Variants in MTDH observed in about 807,000 individuals in gnomAD.
The protein encoded by MTDH is protein LYRIC.
A neutral mutation model predicts 72.7 loss-of-function variants in MTDH; 34 were observed. The observed-to-expected ratio is 0.47, with a 90% CI of 0.36 to 0.62. MTDH has a LOEUF of 0.62. Among genes scored for constraint, MTDH ranks in the 20% least tolerant of loss-of-function variants. The pLI, the probability that MTDH is intolerant of heterozygous loss-of-function variation, is 0.00. For synonymous variants in MTDH, 266 were observed against 268.9 expected (o/e 0.99, Z 0.10); for missense variants, 677 against 699.4 (o/e 0.97, Z 0.36).
intron 9 of MTDH, among the ~76,000 whole-genome samples, 189 bp downstream of exon 9, chr8:97,713,958 G>A (rs759250719): frequency 5.9e-5 from 9 of 152,106 alleles, no homozygotes; most frequent in South Asian, 2.1e-4. Context: ...CAAAAAATTC[G>A]TGTTAAAGGT....
chr8:97,718,377 C>T (rs1302444973), intron 9 of MTDH, among the ~76,000 whole-genome samples: 1 of 152,286 alleles, frequency 6.6e-6, no homozygotes, highest in East Asian at 1.9e-4. Context: ...GTGGCATGGC[C>T]AAAATTGGAA....
chr8:97,722,846 CA>C (rs759722318), intron 10 of MTDH, 32 bp from the exon 11 acceptor site: 3 of 1,570,850 alleles, frequency 1.9e-6, no homozygotes, highest in Admixed American at 1.9e-5. Context: ...AAAATTTCAC[CA>C]AAAAACCTGA....
At chr8:97,673,191 G>A (rs1812700582) in intron 2 of MTDH, among the ~76,000 whole-genome samples, 2 of 152,124 alleles carry the variant, frequency 1.3e-5, no homozygotes, top group African/African-American at 4.8e-5. Context: ...AAAAATATAA[G>A]CATATTCTCT....
chr8:97,662,513 T>C (rs966851455), intron 2 of MTDH, among the ~76,000 whole-genome samples: 4 of 150,910 alleles, frequency 2.7e-5, no homozygotes, highest in African/African-American at 9.7e-5. Flanking sequence ...TGGCTGGGTG[T>C]GGTGGCTCAC....
chr8:97,717,694 T>G (rs929561246), intron 9 of MTDH, among the ~76,000 whole-genome samples: 1 of 150,600 alleles, frequency 6.6e-6, no homozygotes, highest in Admixed American at 6.6e-5. Flanking sequence ...AAATTTTACT[T>G]TACAGTTGAG....
chr8:97,648,834 T>TGCATAATATA (rs1169578932), intron 1 of MTDH, among the ~76,000 whole-genome samples: 1 of 152,232 alleles, frequency 6.6e-6, no homozygotes, highest in Non-Finnish European at 1.5e-5. Flanking sequence ...AATTATTGAA[T>TGCATAATATA]GCATAATATA....
rs897727253 is a variant in MTDH, at chr8:97,729,617, G to A, written c.*4947G>A. On this transcript the variant is annotated 3_prime_UTR_variant, in exon 12 of 12. Coordinates refer to ENST00000336273, the MANE Select transcript of MTDH (RefSeq NM_178812.4). ...GGAAGGCTATTCAGTGCTGCTTAGT[G>A]TAGCAGCTAATAATGTTCCAACTTC... Among the ~76,000 whole-genome samples, 4 of 152,148 alleles carry A rather than the reference G, an allele frequency of 2.6e-5. No homozygotes were observed. The highest frequency in any genetic ancestry group is 6.6e-5 in the Admixed American group (1 of 15,258).
intron 2 of MTDH, among the ~76,000 whole-genome samples, chr8:97,679,031 C>T (rs1056525682): frequency 6.6e-6 from 1 of 152,122 alleles, no homozygotes; most frequent in Non-Finnish European, 1.5e-5. Context: ...GAGCAATTTT[C>T]TAACAGAAAA....
intron 2 of MTDH, among the ~76,000 whole-genome samples, chr8:97,671,015 G>A (rs1256548372): frequency 7.0e-6 from 1 of 143,656 alleles, no homozygotes; most frequent in Non-Finnish European, 1.5e-5. Context: ...CCGGACTGCG[G>A]ACTGCAGTGG....
intron 8 of MTDH, among the ~76,000 whole-genome samples, chr8:97,713,274 A>G (rs1814709606): frequency 6.6e-6 from 1 of 151,976 alleles, no homozygotes; most frequent in Admixed American, 6.6e-5. Flanking sequence ...TTTAGTAGAG[A>G]TGGGGTTTCA....
intron 2 of MTDH, among the ~76,000 whole-genome samples, chr8:97,670,247 C>G (rs118147071): frequency 1.3e-5 from 2 of 152,170 alleles, no homozygotes; most frequent in Non-Finnish European, 2.9e-5. Context: ...ACTCCGGAGG[C>G]GGAGCCTGTA....
chr8:97,686,096 G>A (rs893795714), intron 2 of MTDH, among the ~76,000 whole-genome samples: 11 of 152,154 alleles, frequency 7.2e-5, no homozygotes, highest in African/African-American at 2.4e-4. Context: ...TACCTGCTAT[G>A]TACAATTGAC....
At chr8:97,660,170 TA>T (rs1282314299) in intron 1 of MTDH, among the ~76,000 whole-genome samples, 1 of 151,958 alleles carries the variant, frequency 6.6e-6, no homozygotes, top group Non-Finnish European at 1.5e-5. Flanking sequence ...AAAAAAAAGG[TA>T]AAAAAAGAAT....
intron 7 of MTDH, among the ~76,000 whole-genome samples, chr8:97,700,395 T>TTTTA (rs1045208797): frequency 2.0e-5 from 3 of 152,188 alleles, no homozygotes; most frequent in African/African-American, 7.2e-5. Context: ...TTGTCTGAAT[T>TTTTA]TTTATTTCAC....
chr8:97,720,545 C>T (rs1815074578), intron 10 of MTDH, among the ~76,000 whole-genome samples: 1 of 151,844 alleles, frequency 6.6e-6, no homozygotes, highest in Non-Finnish European at 1.5e-5. Context: ...CACTGCACTC[C>T]AGCCTGGGCG....
intron 2 of MTDH, among the ~76,000 whole-genome samples, chr8:97,662,131 C>A (rs1018988902): frequency 6.6e-6 from 1 of 151,464 alleles, no homozygotes; most frequent in African/African-American, 2.4e-5. Flanking sequence ...AACAGTGGTT[C>A]CTTCTACTGT....
rs1341558056 is a variant in MTDH at position 97,708,463 on chromosome 8, G to A, written c.1272+1713G>A. On this transcript the variant is annotated intron_variant, in intron 8 of 11. Coordinates refer to ENST00000336273, the MANE Select transcript of MTDH (RefSeq NM_178812.4). The stretch of plus-strand genomic sequence containing the variant: ...TGCCCAGCTAATTTTTGTATTTTTA[G>A]TAGAGACGGGTTTTTGCCATGTTAG... 4.6e-5 allele frequency among the ~76,000 whole-genome samples: 6 copies of A among 129,146 alleles called. 1 individual carries two copies. The highest frequency in any genetic ancestry group is 6.4e-5 in the African/African-American group (2 of 31,166). 84.7% of individuals were successfully genotyped at this position (129,146 alleles called of 152,430 possible).
At chr8:97,713,850 CATAGAG>C (rs1814735836) in intron 9 of MTDH, 81 bp downstream of exon 9, 1 of 731,994 alleles carries the variant, frequency 1.4e-6, no homozygotes, top group Admixed American at 3.3e-5. Context: ...GTTAAAAATA[CATAGAG>C]ATAAAAGACA....
At chr8:97,650,544 GA>G (rs1412127193) in intron 1 of MTDH, among the ~76,000 whole-genome samples, 1 of 152,118 alleles carries the variant, frequency 6.6e-6, no homozygotes, top group African/African-American at 2.4e-5. Context: ...CAAAGTGCTG[GA>G]ATTACAAGCG....
Sources: allele counts gnomAD v4.1 joint callset (sites outside exome capture counted in the v4.1 genomes callset), GRCh38; gene constraint gnomAD v4.1.1; transcripts MANE v1.5; gene names NCBI Gene and HGNC (gene_info 2026-07-23, HGNC 2026-07-21).